STK3: variants seen among roughly 807,000 people sequenced by gnomAD.
STK3 encodes serine/threonine kinase 3, also known as serine/threonine-protein kinase 3.
In STK3, 41 loss-of-function variants were observed where a neutral mutation model predicts 58.0. The observed-to-expected ratio is 0.71, with a 90% CI of 0.55 to 0.92. The LOEUF (loss-of-function observed/expected upper bound fraction) is 0.92. Ranked by LOEUF, STK3 falls within the 40% of genes least tolerant of loss-of-function variation. STK3 has a pLI of 0.00. For missense variants in STK3, 479 were observed against 602.7 expected, an observed-to-expected ratio of 0.79 and a Z score of 2.15; for synonymous variants, 170 against 191.0, an observed-to-expected ratio of 0.89 and a Z score of 0.91.
intron 6 of STK3, among the ~76,000 whole-genome samples, chr8:98,622,585 G>A (rs913755920): frequency 6.6e-6 from 1 of 152,092 alleles, no homozygotes; most frequent in Non-Finnish European, 1.5e-5. Flanking sequence ...AATTATCGAG[G>A]ACCGAGTTCA....
intron 1 of STK3, among the ~76,000 whole-genome samples, chr8:98,803,210 A>G (rs1833677654): frequency 6.6e-6 from 1 of 152,222 alleles, no homozygotes; most frequent in African/African-American, 2.4e-5. Context: ...TACTTCATGA[A>G]ATGCATTCAA....
chr8:98,719,313 G>C (rs1014364113), intron 4 of STK3, among the ~76,000 whole-genome samples: 18 of 152,188 alleles, frequency 1.2e-4, no homozygotes. Context: ...GACCTTTTTA[G>C]TTACCTAGAC....
intron 10 of STK3, among the ~76,000 whole-genome samples, chr8:98,457,465 A>T (rs1454698700): frequency 6.6e-6 from 1 of 152,204 alleles, no homozygotes. Flanking sequence ...CTTCAACATC[A>T]TCTCTATTTC....
chr8:98,413,076 C>T (rs560707479), intron 3 of STK3: 13 of 245,608 alleles, frequency 5.3e-5, no homozygotes, highest in South Asian at 5.2e-4. Context: ...TGCAGTGGCG[C>T]GATCTTGGCT....
chr8:98,909,282 A>C (rs1045520523), intron 1 of STK3, among the ~76,000 whole-genome samples: 2 of 152,210 alleles, frequency 1.3e-5, no homozygotes, highest in Admixed American at 6.5e-5. Flanking sequence ...CCAGTTATAA[A>C]CTATCAGGAT....
chr8:98,743,231 T>C (rs1829363062), intron 4 of STK3, among the ~76,000 whole-genome samples: 1 of 147,818 alleles, frequency 6.8e-6, no homozygotes, highest in Admixed American at 7.1e-5. Flanking sequence ...ACAAAAGTAC[T>C]TTAAAGTTCA....
intron 3 of STK3, among the ~76,000 whole-genome samples, chr8:98,846,162 C>T (rs1032862856): frequency 6.6e-6 from 1 of 152,212 alleles, no homozygotes; most frequent in Admixed American, 6.5e-5. Flanking sequence ...TGCAGAAATC[C>T]TCACTGCAAA....
chr8:98,885,111 A>G (rs553379391), intron 1 of STK3, among the ~76,000 whole-genome samples: 26 of 152,364 alleles, frequency 1.7e-4, no homozygotes, highest in African/African-American at 5.5e-4. Context: ...TGGCCACATT[A>G]TTATGGAGAA....
downstream of STK3, among the ~76,000 whole-genome samples, chr8:98,371,199 A>G (rs1372515029): frequency 6.6e-6 from 1 of 152,252 alleles, no homozygotes; most frequent in African/African-American, 2.4e-5. Flanking sequence ...CTTGTGTAGT[A>G]GGTGCTCAAT....
chr8:98,862,141 G>T (rs2131854009), intron 3 of STK3, among the ~76,000 whole-genome samples: 1 of 152,284 alleles, frequency 6.6e-6, no homozygotes, highest in African/African-American at 2.4e-5. Flanking sequence ...ATTAGGAGAA[G>T]CTGGTACTAC....
chr8:98,712,107 C>G (rs895832612), intron 4 of STK3, among the ~76,000 whole-genome samples: 5 of 152,172 alleles, frequency 3.3e-5, no homozygotes, highest in East Asian at 1.9e-4. Context: ...ACCACCAGGC[C>G]TGCCCTAAAA....
exon 3 of STK3, chr8:98,371,470 T>C (rs1019809837): frequency 6.6e-6 from 1 of 152,236 alleles, no homozygotes; most frequent in Non-Finnish European, 1.5e-5. Context: ...AGGGCTTTCA[T>C]TCGAAAGCAC....
chr8:98,612,165 T>C (rs565743165), intron 6 of STK3, among the ~76,000 whole-genome samples: 277 of 150,616 alleles, frequency 1.8e-3, no homozygotes, highest in African/African-American at 6.2e-3. Flanking sequence ...AAAAACTATG[T>C]GTAACTTCTG....
intron 3 of STK3, chr8:98,429,307 A>G (rs753452243): frequency 6.2e-7 from 1 of 1,614,158 alleles, no homozygotes; most frequent in Non-Finnish European, 8.5e-7. Flanking sequence ...CCTTCGGTCA[A>G]TTTAAGGGAC....
At chr8:98,436,352 C>T (rs921796456) in intron 2 of STK3, among the ~76,000 whole-genome samples, 14 of 151,548 alleles carry the variant, frequency 9.2e-5, no homozygotes, top group African/African-American at 3.2e-4. Context: ...TGCCCGACGC[C>T]CTCACTCCCG....
chr8:98,682,023 A>G (rs562790903), intron 6 of STK3, among the ~76,000 whole-genome samples: 7 of 152,378 alleles, frequency 4.6e-5, no homozygotes, highest in Non-Finnish European at 8.8e-5. Context: ...TGTGCTTTAC[A>G]TAAATACCAC....
intron 6 of STK3, among the ~76,000 whole-genome samples, chr8:98,610,113 C>T (rs1382197163): frequency 6.6e-6 from 1 of 150,976 alleles, no homozygotes. Context: ...GAAAATGAAT[C>T]AGAGCTTCAA....
At chr8:98,705,847 A>T (rs1305751574) in intron 6 of STK3, among the ~76,000 whole-genome samples, 1 of 152,212 alleles carries the variant, frequency 6.6e-6, no homozygotes, top group Non-Finnish European at 1.5e-5. Flanking sequence ...AACACAGGCA[A>T]TTAGACTTGA....
At chr8:98,398,741 C>T (rs191073192), downstream of STK3, among the ~76,000 whole-genome samples, 15 of 152,320 alleles carry the variant, frequency 9.8e-5, no homozygotes, top group Admixed American at 5.2e-4. Context: ...CTCCCAGCCT[C>T]GGGCAAATTT....
Sources: gnomAD v4.1 joint callset for allele counts (sites outside exome capture counted in the v4.1 genomes callset) on GRCh38, gnomAD v4.1.1 for gene constraint, MANE v1.5 for transcripts, NCBI Gene and HGNC (gene_info 2026-07-23, HGNC 2026-07-21) for gene names.